The following SOD3 variants were observed in gnomAD, a reference collection of about 807,000 sequenced individuals.
SOD3 encodes extracellular superoxide dismutase [Cu-Zn].
In SOD3, 3 loss-of-function variants were observed where a neutral mutation model predicts 2.6. That is an observed-to-expected ratio of 1.13 (90% CI 0.52 to 2.93). The LOEUF (loss-of-function observed/expected upper bound fraction) is 2.93. SOD3 is among the 30% of genes most tolerant of loss of function. The probability of loss-of-function intolerance (pLI) is 0.04; values close to 1 mark genes in which losing one functional copy is unlikely to be tolerated. For synonymous variants in SOD3, 188 were observed against 177.5 expected, an observed-to-expected ratio of 1.06 and a Z score of -0.47; for missense variants, 379 against 370.4, an observed-to-expected ratio of 1.02 and a Z score of -0.19.
intron 1 of SOD3, among the ~76,000 whole-genome samples, 184 bp from the exon 2 acceptor site, chr4:24,799,322 C>T (rs1029716029): frequency 1.3e-5 from 2 of 152,200 alleles, no homozygotes; most frequent in African/African-American, 4.8e-5. Context: ...GCCACAGCAC[C>T]TAACACAGTG....
Position 24,795,918 on chromosome 4 carries a change from G to T in SOD3, c.-17+267G>T, listed in dbSNP as rs181638393. ...TTAGTGTTAGGAAAAGGAATCTGGA[G>T]TGACGAGAAAGGGGGCCTTTCTAGA... On this transcript the variant is annotated intron_variant, in intron 1 of 1. Transcript: ENST00000382120. Among the ~76,000 whole-genome samples, 7 of 152,260 alleles carry T rather than the reference G, an allele frequency of 4.6e-5. No homozygotes were observed. The East Asian group carries it at 1.4e-3, about 29-fold the overall frequency.
In SOD3 at chr4:24,799,786, C is replaced by T. The variant is rs766409170; in HGVS notation, c.265C>T (p.Pro89Ser). The change falls in exon 2 of 2, where the codon CCC (proline) becomes TCC (serine). Residue 89 changes from proline (P) to serine (S), a missense_variant. Physicochemically the swap from Pro to Ser is moderately conservative, Grantham distance 74 (BLOSUM62 -1). Transcript: ENST00000382120. ...TGVVLFRQLAPRAKLDAFFAL... is the reference protein window; with the variant it reads ...TGVVLFRQLASRAKLDAFFAL... ...CGTCGTCCTCTTCCGGCAGCTTGCG[C>T]CCCGCGCCAAGCTCGACGCCTTCTT... 1 of 1,583,142 alleles carries T rather than the reference C, an allele frequency of 6.3e-7. No homozygotes were observed. The highest frequency in any genetic ancestry group is 8.5e-7 in the Non-Finnish European group (1 of 1,171,218).
intron 1 of SOD3, among the ~76,000 whole-genome samples, chr4:24,797,405 A>G (rs1713701784): frequency 6.6e-6 from 1 of 152,234 alleles, no homozygotes; most frequent in Admixed American, 6.5e-5. Context: ...ATAACACTGA[A>G]TAATGTTCTT....
intron 1 of SOD3, among the ~76,000 whole-genome samples, chr4:24,797,264 G>A (rs7655372): frequency 0.03 from 4,616 of 152,332 alleles, 167 homozygotes; most frequent in African/African-American, 0.092. Context: ...GATGTGCAGT[G>A]TGGTGCCTAA....
chr4:24,797,505 T>G (rs1306783559), intron 1 of SOD3, among the ~76,000 whole-genome samples: 1 of 152,230 alleles, frequency 6.6e-6, no homozygotes, highest in Non-Finnish European at 1.5e-5. Context: ...TAATCATCTC[T>G]TTTAAGCCTC....
chr4:24,799,783 G>T lies in SOD3; in HGVS notation c.262G>T (p.Ala88Ser). 1 of 1,580,578 alleles carries T rather than the reference G, an allele frequency of 6.3e-7. No homozygotes were observed. The stretch of plus-strand genomic sequence containing the variant: ...CGGCGTCGTCCTCTTCCGGCAGCTT[G>T]CGCCCCGCGCCAAGCTCGACGCCTT... ...VTGVVLFRQL[A>S]PRAKLDAFFA... is the part of the protein sequence containing the mutation. Residue 88 changes from alanine to serine, a missense_variant, in exon 2 of 2, where the codon GCG (alanine) becomes TCG (serine). Physicochemically the swap from Ala to Ser is moderately conservative, Grantham distance 99 (BLOSUM62 1). Coordinates refer to ENST00000382120, the MANE Select transcript of SOD3 (RefSeq NM_003102.4).
In SOD3 at chr4:24,800,246, C is replaced by G; in HGVS notation, c.*2C>G. On this transcript the variant is annotated 3_prime_UTR_variant, in exon 2 of 2. Coordinates refer to ENST00000382120, the MANE Select transcript of SOD3 (RefSeq NM_003102.4). ...GAGAGCGAGTGCAAGGCCGCCTGAG[C>G]GCGGCCCCCACCCGGCGGCGGCCAG... The G allele has an allele frequency of 7.9e-6, 11 of 1,392,462 alleles. No individual in the cohort carries two copies. The highest frequency in any genetic ancestry group is 1.0e-5 in the Non-Finnish European group (11 of 1,077,682). 86.3% of individuals were successfully genotyped at this position (1,392,462 alleles called of 1,614,324 possible).
intron 1 of SOD3, among the ~76,000 whole-genome samples, chr4:24,796,622 A>ATT (rs58441391): frequency 0.23 from 29,448 of 125,472 alleles, 4,341 homozygotes; most frequent in South Asian, 0.34. Context: ...ACACCCAGCT[A>ATT]TTTTTTTTTT....
rs769286387 is a variant in SOD3 at position 24,799,905 on chromosome 4, C to T, written c.384C>T (p.Thr128=). The change falls in exon 2 of 2, where the codon ACC becomes ACT. Residue 128 remains threonine (T), a synonymous_variant. Transcript: ENST00000382120. ...ACCTGAGCCAGGGCTGCGAGTCCAC[C>T]GGGCCCCACTACAACCCGCTGGCCG... The part of the protein sequence containing the change: ...FGDLSQGCES[T]GPHYNPLAVP... The T allele has an allele frequency of 1.7e-5, 28 of 1,600,590 alleles. No individual in the cohort carries two copies. The Middle Eastern group carries it at 6.6e-4, about 38-fold the overall frequency.
chr4:24,798,484 A>C (rs1441116926), intron 1 of SOD3, among the ~76,000 whole-genome samples: 1 of 151,572 alleles, frequency 6.6e-6, no homozygotes, highest in African/African-American at 2.4e-5. Context: ...ACTTTGGTAA[A>C]AGCCTTCATT....
Position 24,800,227 on chromosome 4 carries a change from G to T in SOD3, c.706G>T (p.Glu236Ter). ...GCGCAAGAAGCGGCGGCGCGAGAGC[G>T]AGTGCAAGGCCGCCTGAGCGCGGCC... ...SERKKRRRES[E>*]CKAA The change falls in exon 2 of 2, where the codon GAG (glutamate) becomes TAG (stop). Residue 236 changes from glutamate to a stop codon, truncating the protein, a stop_gained. Coordinates refer to ENST00000382120, the MANE Select transcript of SOD3 (RefSeq NM_003102.4). LOFTEE classifies it high-confidence loss of function. 1 of 1,428,932 alleles carries T rather than the reference G, an allele frequency of 7.0e-7. No individual in the cohort carries two copies. The highest frequency in any genetic ancestry group is 9.1e-7 in the Non-Finnish European group (1 of 1,095,754). 88.5% of individuals were successfully genotyped at this position (1,428,932 alleles called of 1,614,324 possible).
At position 24,800,016 on chromosome 4, in the gene SOD3, C is replaced by A; in HGVS notation, c.495C>A (p.Ala165=). Residue 165 remains alanine (A), a synonymous_variant, in exon 2 of 2, where the codon GCC becomes GCA. Coordinates refer to ENST00000382120, the MANE Select transcript of SOD3 (RefSeq NM_003102.4). ...GGAGGTACCGCGCCGGCCTGGCCGC[C>A]TCGCTCGCGGGCCCGCACTCCATCG... ...SLWRYRAGLA[A]SLAGPHSIVG... The A allele has an allele frequency of 6.5e-7, 1 of 1,542,442 alleles. No individual in the cohort carries two copies. Among genetic ancestry groups the A allele is most frequent in the Admixed American group, 1.9e-5 (1 of 51,890 alleles).
In SOD3 at chr4:24,800,161, G is replaced by C. The variant is rs1022113606; in HGVS notation, c.640G>C (p.Gly214Arg). ...RLACCVVGVC[G>R]PGLWERQARE... ...GGCCTGCTGCGTGGTGGGCGTGTGC[G>C]GGCCCGGGCTCTGGGAGCGCCAGGC... The change falls in exon 2 of 2, where the codon GGG (glycine) becomes CGG (arginine). Residue 214 changes from glycine (G) to arginine (R), a missense_variant. Gly to Arg is a moderately radical substitution (Grantham distance 125). Transcript: ENST00000382120. 8 of 1,396,260 alleles carry C rather than the reference G, an allele frequency of 5.7e-6. No homozygotes were observed. In the Admixed American group the frequency reaches 2.8e-4, roughly 49 times the overall value. The allele number at this position is 1,396,260 out of a possible 1,614,324, so 86.5% of individuals were successfully genotyped here.
chr4:24,799,404 G>A, intron 1 of SOD3, 102 bp from the exon 2 acceptor site: 7 of 1,371,880 alleles, frequency 5.1e-6, no homozygotes, highest in African/African-American at 1.5e-5. Flanking sequence ...GAAGCCCACT[G>A]GGGACTGGGG....
chr4:24,800,169 G>A lies in SOD3; in HGVS notation c.648G>A (p.Gly216=). ...ACCVVGVCGP[G]LWERQAREHS... ...GCGTGGTGGGCGTGTGCGGGCCCGG[G>A]CTCTGGGAGCGCCAGGCGCGGGAGC... is the stretch of plus-strand genomic sequence containing the variant. Residue 216 remains glycine (G), a synonymous_variant, in exon 2 of 2, where the codon GGG becomes GGA. Coordinates refer to ENST00000382120, the MANE Select transcript of SOD3 (RefSeq NM_003102.4). 1 of 1,419,342 alleles carries A rather than the reference G, an allele frequency of 7.0e-7. No individual in the cohort carries two copies. Among genetic ancestry groups the A allele is most frequent in the Non-Finnish European group, 9.1e-7 (1 of 1,094,730 alleles). The allele number at this position is 1,419,342 out of a possible 1,614,324, so 87.9% of individuals were successfully genotyped here.
Position 24,799,978 on chromosome 4 carries a change from G to T in SOD3, c.457G>T (p.Asp153Tyr), listed in dbSNP as rs1488754980. ...PGDFGNFAVR[D>Y]GSLWRYRAGL... ...CGACTTCGGCAACTTCGCGGTCCGC[G>T]ACGGCAGCCTCTGGAGGTACCGCGC... The change falls in exon 2 of 2, where the codon GAC becomes TAC. Residue 153 changes from aspartate to tyrosine, a missense_variant. Coordinates refer to ENST00000382120, the MANE Select transcript of SOD3 (RefSeq NM_003102.4). 1 of 1,584,324 alleles carries T rather than the reference G, an allele frequency of 6.3e-7. No homozygotes were observed. Among genetic ancestry groups the T allele is most frequent in the Non-Finnish European group, 8.5e-7 (1 of 1,173,450 alleles).
chr4:24,799,497 G>A lies in SOD3; in HGVS notation c.-16-9G>A. On this transcript the variant is annotated splice_polypyrimidine_tract_variant and intron_variant, in intron 1 of 1. Transcript: ENST00000382120. ...ACTCTGCCCCCACCTCCGCGGGGGC[G>A]TCCCGCAGGTGCCCGACTCCAGCCA... 1.3e-6 allele frequency: 2 copies of A among 1,595,152 alleles called. No individual in the cohort carries two copies. Among genetic ancestry groups the A allele is most frequent in the East Asian group, 2.2e-5 (1 of 44,694 alleles).
Position 24,796,384 on chromosome 4 carries a change from G to A in SOD3, c.-17+733G>A, listed in dbSNP as rs1242738190. ...AAACAAGAAGTCAGAGTTTACCTGG[G>A]TTTGAGGGAGAATTTTCTTTCCCCC... On this transcript the variant is annotated intron_variant, in intron 1 of 1. Transcript: ENST00000382120. 4.1e-5 allele frequency among the ~76,000 whole-genome samples: 6 copies of A among 147,968 alleles called. No individual in the cohort carries two copies. In the East Asian group the frequency reaches 1.2e-3, roughly 30 times the overall value.
chr4:24,799,665 G>C lies in SOD3; in HGVS notation c.144G>C (p.Glu48Asp), dbSNP rs752593580. The C allele has an allele frequency of 5.6e-6, 9 of 1,601,902 alleles. No homozygotes were observed. The Admixed American group carries it at 1.5e-4, about 27-fold the overall frequency. Residue 48 changes from glutamate (E) to aspartate (D), a missense_variant, in exon 2 of 2, where the codon GAG becomes GAC. Physicochemically the swap from Glu to Asp is conservative, Grantham distance 45. Transcript: ENST00000382120. ...MYAKVTEIWQ[E>D]VMQRRDDDGA... ...CCAAGGTCACGGAGATCTGGCAGGAGGTCATGCAGCGGCGGGACGACGACG... is the reference window on the plus strand; with the variant it reads ...CCAAGGTCACGGAGATCTGGCAGGACGTCATGCAGCGGCGGGACGACGACG...
Sources: gnomAD v4.1 joint callset for allele counts (sites outside exome capture counted in the v4.1 genomes callset) on GRCh38, gnomAD v4.1.1 for gene constraint, MANE v1.5 for transcripts, NCBI Gene and HGNC (gene_info 2026-07-23, HGNC 2026-07-21) for gene names.